The following SH3TC1 variants were observed in gnomAD, a reference collection of about 807,000 sequenced individuals.
The protein encoded by SH3TC1 is SH3 domain and tetratricopeptide repeat-containing protein 1.
Under a neutral mutation model 117.3 loss-of-function variants are expected in SH3TC1, and 135 were observed. The observed-to-expected ratio is 1.15, with a 90% CI of 1.00 to 1.33. The LOEUF is 1.33. Among genes scored for constraint, SH3TC1 ranks in the 40% most tolerant of loss-of-function variants. The pLI is 0.00. For missense variants in SH3TC1, 2,092 were observed against 1,794.3 expected, an observed-to-expected ratio of 1.17 and a Z score of -3.00; for synonymous variants, 898 against 816.9, an observed-to-expected ratio of 1.10 and a Z score of -1.69.
At chr4:8,182,778 C>A (rs1717113738) in intron 1 of SH3TC1, among the ~76,000 whole-genome samples, 3 of 152,180 alleles carry the variant, frequency 2.0e-5, no homozygotes, top group Admixed American at 2.0e-4. Context: ...GTCAGTCTTC[C>A]CCTGCACCCT....
Position 8,219,318 on chromosome 4 carries a change from G to T in SH3TC1, c.917-17G>T. 1.3e-6 allele frequency: 2 copies of T among 1,565,396 alleles called. No individual in the cohort carries two copies. The highest frequency in any genetic ancestry group is 1.7e-6 in the Non-Finnish European group (2 of 1,150,178). On this transcript the variant is annotated splice_polypyrimidine_tract_variant and intron_variant, in intron 8 of 17. Coordinates refer to ENST00000245105, the MANE Select transcript of SH3TC1 (RefSeq NM_018986.5). ...ATTTGGTCTCCCTGGCACTCACCAT[G>T]TGGCTTTCTTCCGCAGCTGTGGGCC... is the stretch of plus-strand genomic sequence containing the variant.
chr4:8,225,040 C>T lies in SH3TC1; in HGVS notation c.1244-135C>T. Reference sequence around the variant, plus strand: ...AACACTCCAGCCCGCAACACCAGCACCCTGCAACATCTCAGCCCTCAATAC... The same window carrying T: ...AACACTCCAGCCCGCAACACCAGCATCCTGCAACATCTCAGCCCTCAATAC... On this transcript the variant is annotated intron_variant, in intron 10 of 17. Transcript: ENST00000245105. This position sits in a 1 kb window ranked among gnomAD's most constrained non-coding sequence, Gnocchi z 5.5. The T allele has an allele frequency of 9.3e-7, 1 of 1,076,580 alleles. No homozygotes were observed. Among genetic ancestry groups the T allele is most frequent in the East Asian group, 2.6e-5 (1 of 38,478 alleles). 66.7% of individuals were successfully genotyped at this position (1,076,580 alleles called of 1,614,324 possible). A position where few individuals can be genotyped will look rare whatever the true frequency, so the allele number is the denominator to read the frequency against.
At position 8,219,455 on chromosome 4, in the gene SH3TC1, T is replaced by A; in HGVS notation, c.1037T>A (p.Val346Glu). ...CAGGTGCCCAGCCTGCCCTGGTGCG[T>A]GGGCCGACACGCAGCCTCGGGCCGG... ...GAQVPSLPWC[V>E]GRHAASGRVG... The change falls in exon 9 of 18, where the codon GTG becomes GAG. Residue 346 changes from valine (V) to glutamate (E), a missense_variant. Transcript: ENST00000245105. 1 of 1,608,176 alleles carries A rather than the reference T, an allele frequency of 6.2e-7. No individual in the cohort carries two copies. The highest frequency in any genetic ancestry group is 8.5e-7 in the Non-Finnish European group (1 of 1,176,790).
chr4:8,228,264 C>T lies in SH3TC1; in HGVS notation c.2570C>T (p.Ala857Val). 2 of 1,611,942 alleles carry T rather than the reference C, an allele frequency of 1.2e-6. No individual in the cohort carries two copies. The highest frequency in any genetic ancestry group is 8.5e-7 in the Non-Finnish European group (1 of 1,179,572). ...CAGTCTGTCCGGGATGCAGTGGTGG[C>T]CAGCGAGGACCAGGAGGGCGTGATT... ...ILQSVRDAVV[A>V]SEDQEGVIAN... The change falls in exon 12 of 18, where the codon GCC becomes GTC. Residue 857 changes from alanine (A) to valine (V), a missense_variant. Ala to Val is a moderately conservative substitution (Grantham distance 64, BLOSUM62 0). Transcript: ENST00000245105.
Position 8,232,756 on chromosome 4 carries a change from A to G in SH3TC1, c.3131+600A>G. 8 of 1,289,632 alleles carry G rather than the reference A, an allele frequency of 6.2e-6. No homozygotes were observed. In the South Asian group the frequency reaches 9.9e-5, roughly 16 times the overall value. The allele number at this position is 1,289,632 out of a possible 1,614,324, so 79.9% of individuals were successfully genotyped here. On this transcript the variant is annotated intron_variant, in intron 13 of 17. Transcript: ENST00000245105. ...CACCCCTTCGACTCACCAAGAGAGC[A>G]GGGAAGGAGCCGGATTCCACAGGGA...
At chr4:8,214,201 G>A (rs537097700) in intron 4 of SH3TC1, among the ~76,000 whole-genome samples, 1 of 152,180 alleles carries the variant, frequency 6.6e-6, no homozygotes, top group South Asian at 2.1e-4. Flanking sequence ...CAGGTAGAGT[G>A]CTGAGGGGGA....
chr4:8,225,060 C>T lies in SH3TC1; in HGVS notation c.1244-115C>T. 2.3e-6 allele frequency: 3 copies of T among 1,281,984 alleles called. No homozygotes were observed. The highest frequency in any genetic ancestry group is 3.3e-6 in the Non-Finnish European group (3 of 904,828). 79.4% of individuals were successfully genotyped at this position (1,281,984 alleles called of 1,614,324 possible). On this transcript the variant is annotated intron_variant, in intron 10 of 17. Coordinates refer to ENST00000245105, the MANE Select transcript of SH3TC1 (RefSeq NM_018986.5). This position sits in a 1 kb window ranked among gnomAD's most constrained non-coding sequence, Gnocchi z 5.5. ...CAGCACCCTGCAACATCTCAGCCCT[C>T]AATACCTGCACCCAGCAATGCTCTC...
intron 1 of SH3TC1, among the ~76,000 whole-genome samples, chr4:8,203,631 AG>A (rs1456375779): frequency 6.6e-5 from 10 of 152,190 alleles, no homozygotes; most frequent in Admixed American, 3.3e-4. Flanking sequence ...GGAAGAAATA[AG>A]CCCAGCATCT....
rs916621283 is a variant in SH3TC1 at position 8,192,606 on chromosome 4, G to A, written c.-57+10396G>A. On this transcript the variant is annotated intron_variant, in intron 1 of 16. Coordinates refer to the SH3TC1 transcript ENST00000508641. The surrounding 1 kb of genome is among the most constrained non-coding windows in gnomAD (Gnocchi z 4.1). ...CCTACTGGGTTCAAGCAATTCTCCC[G>A]CCTCAGCCTCCTGAGTAGCTGGGAT... Among the ~76,000 whole-genome samples, 6 of 151,790 alleles carry A rather than the reference G, an allele frequency of 4.0e-5. No homozygotes were observed. The highest frequency in any genetic ancestry group is 2.1e-4 in the South Asian group (1 of 4,782).
In SH3TC1 at chr4:8,192,125, G is replaced by A. The variant is rs1717436119; in HGVS notation, c.-57+9915G>A. On this transcript the variant is annotated intron_variant, in intron 1 of 16. Transcript: ENST00000508641. The surrounding 1 kb of genome is among the most constrained non-coding windows in gnomAD (Gnocchi z 4.1). ...TCACCTCTGCCTCCCAAGTAGCTAAGATTACAGGCACCTGCCACCACACTC... is the reference window on the plus strand; with the variant it reads ...TCACCTCTGCCTCCCAAGTAGCTAAAATTACAGGCACCTGCCACCACACTC... Among the ~76,000 whole-genome samples the A allele has an allele frequency of 6.6e-6, 1 of 151,910 alleles. No individual in the cohort carries two copies. Among genetic ancestry groups the A allele is most frequent in the Non-Finnish European group, 1.5e-5 (1 of 68,008 alleles).
intron 7 of SH3TC1, among the ~76,000 whole-genome samples, chr4:8,217,510 C>T (rs992289216): frequency 1.4e-4 from 21 of 152,358 alleles, no homozygotes; most frequent in South Asian, 4.1e-4. Context: ...AGAAGGCACA[C>T]GGGACCCACA....
At position 8,199,305 on chromosome 4, in the gene SH3TC1, GC is replaced by G. The variant is rs1717677372; in HGVS notation, c.-125del. The G allele has an allele frequency of 1.3e-5, 2 of 152,412 alleles. No individual in the cohort carries two copies. The highest frequency in any genetic ancestry group is 4.1e-4 in the South Asian group (2 of 4,834). The allele number at this position is 152,412 out of a possible 1,614,324, so 9.4% of individuals were successfully genotyped here. A position where few individuals can be genotyped will look rare whatever the true frequency, so the allele number is the denominator to read the frequency against. ...TGCCTGCTCCGTCCAGCTGGAGACA[GC>G]CCCGTGGGGCCAGCCAGCGCTGGGC... On this transcript the variant is annotated 5_prime_UTR_variant, in exon 1 of 18. Transcript: ENST00000245105.
chr4:8,233,683 TTCCATCCATCCATCA>T (rs1560113585), intron 14 of SH3TC1, among the ~76,000 whole-genome samples, 170 bp downstream of exon 14: 2 of 150,040 alleles, frequency 1.3e-5, no homozygotes, highest in East Asian at 2.0e-4. Flanking sequence ...CTATGGGTCC[TTCCATCCATCCATCA>T]TCCATCCATC....
intron 6 of SH3TC1, among the ~76,000 whole-genome samples, chr4:8,216,735 T>C (rs1025797993): frequency 2.0e-5 from 3 of 152,126 alleles, no homozygotes; most frequent in African/African-American, 7.2e-5. Flanking sequence ...GGCGAGGGTC[T>C]GAGGCTGAGC....
intron 1 of SH3TC1, among the ~76,000 whole-genome samples, chr4:8,203,690 C>T (rs957840272): frequency 2.0e-5 from 3 of 152,182 alleles, no homozygotes; most frequent in African/African-American, 7.2e-5. Flanking sequence ...ACATTCTGAG[C>T]AGACACTGGG....
At chr4:8,212,122 G>A (rs930129550) in intron 3 of SH3TC1, among the ~76,000 whole-genome samples, 1 of 152,104 alleles carries the variant, frequency 6.6e-6, no homozygotes, top group African/African-American at 2.4e-5. Context: ...CAGGGGTGGG[G>A]GCCCTCTGCC....
rs951986841 is a variant in SH3TC1, at chr4:8,209,535, G to A, written c.173-213G>A. ...CGTGTGGTCTTAAGCCTCTGAGTGTGGGGCAGCTTGTCACAGCATGCTGGG... is the reference window on the plus strand; with the variant it reads ...CGTGTGGTCTTAAGCCTCTGAGTGTAGGGCAGCTTGTCACAGCATGCTGGG... On this transcript the variant is annotated intron_variant, in intron 2 of 17. Coordinates refer to ENST00000245105, the MANE Select transcript of SH3TC1 (RefSeq NM_018986.5). This position sits in a 1 kb window ranked among gnomAD's most constrained non-coding sequence, Gnocchi z 5.9. 1 of 1,055,326 alleles carries A rather than the reference G, an allele frequency of 9.5e-7. No individual in the cohort carries two copies. Among genetic ancestry groups the A allele is most frequent in the Non-Finnish European group, 1.4e-6 (1 of 724,966 alleles). The allele number at this position is 1,055,326 out of a possible 1,614,324, so 65.4% of individuals were successfully genotyped here.
chr4:8,196,204 C>A (rs1717552775), upstream of SH3TC1, among the ~76,000 whole-genome samples: 4 of 152,182 alleles, frequency 2.6e-5, no homozygotes, highest in African/African-American at 9.7e-5. This position sits in a 1 kb window ranked among gnomAD's most constrained non-coding sequence, Gnocchi z 4.6. Flanking sequence ...CAGGGCCTGG[C>A]CACAGATCTC....
chr4:8,238,092 C>T (rs957657039), intron 17 of SH3TC1, among the ~76,000 whole-genome samples: 1 of 152,172 alleles, frequency 6.6e-6, no homozygotes, highest in African/African-American at 2.4e-5. Flanking sequence ...AACATCCAAC[C>T]CAAATCCTGG....
Sources: gnomAD v4.1 joint callset for allele counts (sites outside exome capture counted in the v4.1 genomes callset) on GRCh38, gnomAD v4.1.1 for gene constraint, Gnocchi (gnomAD v3.1) non-coding constraint, MANE v1.5 for transcripts, NCBI Gene and HGNC (gene_info 2026-07-23, HGNC 2026-07-21) for gene names.